The following CAB39 variants were observed in gnomAD, a reference collection of about 807,000 sequenced individuals.
CAB39 encodes calcium binding protein 39.
Under a neutral mutation model 40.0 loss-of-function variants are expected in CAB39, and 8 were observed. That is an observed-to-expected ratio of 0.20 (90% CI 0.12 to 0.36). CAB39 has a LOEUF of 0.36. Among genes scored for constraint, CAB39 ranks in the 10% least tolerant of loss-of-function variants. The pLI, the probability that CAB39 is intolerant of heterozygous loss-of-function variation, is 1.00. For synonymous variants in CAB39, 156 were observed against 141.6 expected (o/e 1.10, Z -0.72); for missense variants, 270 against 401.1 (o/e 0.67, Z 2.79).
chr2:230,818,397 C>T (rs1342838641), intron 8 of CAB39, 119 bp from the exon 9 acceptor site: 9 of 720,176 alleles, frequency 1.2e-5, no homozygotes, highest in Admixed American at 6.1e-5. Flanking sequence ...ACCTAATGAC[C>T]CTGACTTCAG....
intron 1 of CAB39, among the ~76,000 whole-genome samples, chr2:230,742,899 C>T (rs1694907985): frequency 6.6e-6 from 1 of 152,002 alleles, no homozygotes; most frequent in South Asian, 2.1e-4. Context: ...GTAAATTGGC[C>T]TAAGTTTTTG....
intron 1 of CAB39, among the ~76,000 whole-genome samples, chr2:230,726,724 A>G (rs1694579211): frequency 4.6e-5 from 7 of 151,974 alleles, no homozygotes; most frequent in Admixed American, 4.6e-4. Flanking sequence ...GATTGTTGCT[A>G]ACCTATTCAT....
chr2:230,733,401 G>A (rs1296159986), intron 1 of CAB39, among the ~76,000 whole-genome samples: 3 of 152,130 alleles, frequency 2.0e-5, no homozygotes, highest in African/African-American at 7.2e-5. Context: ...ATTCTCAGGT[G>A]TTGCTTCTGG....
At chr2:230,778,486 A>G (rs150585723) in intron 2 of CAB39, among the ~76,000 whole-genome samples, 211 of 152,290 alleles carry the variant, frequency 1.4e-3, no homozygotes, top group African/African-American at 4.8e-3. Flanking sequence ...TAGTGCACTG[A>G]TAGGTACCGT....
chr2:230,726,075 G>C (rs1694564434), intron 1 of CAB39, among the ~76,000 whole-genome samples: 1 of 152,132 alleles, frequency 6.6e-6, no homozygotes, highest in South Asian at 2.1e-4. Context: ...TTCCATATTT[G>C]AGATTATCTG....
intron 1 of CAB39, among the ~76,000 whole-genome samples, chr2:230,722,045 CTTT>C (rs879275195): frequency 7.3e-6 from 1 of 137,214 alleles, no homozygotes; most frequent in Admixed American, 7.3e-5. Flanking sequence ...TTCACCAAGC[CTTT>C]TTTTTTTTTT....
chr2:230,756,657 GTTTGTTTATTTATTTATTTATTTA>G (rs1198292105), intron 1 of CAB39, among the ~76,000 whole-genome samples: 12 of 134,704 alleles, frequency 8.9e-5, no homozygotes, highest in African/African-American at 2.8e-4. Context: ...GTTTCTAACT[GTTTGTTTATTTATTTATTTATTTA>G]TTTATTTATT....
intron 1 of CAB39, among the ~76,000 whole-genome samples, chr2:230,734,781 C>T (rs1254794796): frequency 7.1e-6 from 1 of 140,046 alleles, no homozygotes; most frequent in African/African-American, 3.1e-5. Flanking sequence ...AGCTGGCCCA[C>T]AGGATCCCAG....
chr2:230,749,525 T>C (rs1695048985), intron 1 of CAB39, among the ~76,000 whole-genome samples: 1 of 152,218 alleles, frequency 6.6e-6, no homozygotes, highest in Non-Finnish European at 1.5e-5. Context: ...ATTATTAACC[T>C]TTGCTATTTT....
chr2:230,719,521 C>T (rs1007365109), intron 1 of CAB39, among the ~76,000 whole-genome samples: 5 of 152,138 alleles, frequency 3.3e-5, no homozygotes, highest in East Asian at 3.8e-4. Context: ...TAAATGCTTT[C>T]GTTGTATAGT....
intron 7 of CAB39, among the ~76,000 whole-genome samples, 192 bp from the exon 8 acceptor site, chr2:230,817,544 GACTTCATCTCTCAGGGAA>G (rs1422400842): frequency 3.9e-5 from 6 of 152,114 alleles, no homozygotes; most frequent in African/African-American, 1.4e-4. Context: ...GCCTCCCGTA[GACTTCATCTCTCAGGGAA>G]AGGGAGGAAG....
rs1329577869 is a variant in CAB39, at chr2:230,748,832, ATATAT to A, written c.-43-11126_-43-11122del. Among the ~76,000 whole-genome samples the A allele has an allele frequency of 4.0e-3, 87 of 21,714 alleles. 1 individual carries two copies. Among genetic ancestry groups the A allele is most frequent in the African/African-American group, 9.0e-3 (49 of 5,450 alleles). 14.2% of individuals were successfully genotyped at this position (21,714 alleles called of 152,430 possible). On this transcript the variant is annotated intron_variant, in intron 1 of 8. Coordinates refer to ENST00000258418, the MANE Select transcript of CAB39 (RefSeq NM_016289.4). ...CAAAAAGAAAAAAAAAAAAAAAAAAATATATATATATATATATATATATATATATA... is the reference window on the plus strand; with the variant it reads ...CAAAAAGAAAAAAAAAAAAAAAAAAAATATATATATATATATATATATATA...
At chr2:230,812,917 A>G (rs1020135248) in intron 6 of CAB39, among the ~76,000 whole-genome samples, 4 of 152,194 alleles carry the variant, frequency 2.6e-5, no homozygotes, top group Non-Finnish European at 2.9e-5. Context: ...TGTTCCAGAA[A>G]AACTTTTCAC....
chr2:230,780,265 TG>T (rs1434148575), intron 2 of CAB39, among the ~76,000 whole-genome samples: 1 of 152,206 alleles, frequency 6.6e-6, no homozygotes, highest in African/African-American at 2.4e-5. Context: ...ACTTACAGAA[TG>T]GTTTAGAAGA....
chr2:230,741,115 A>C (rs1300205393), intron 1 of CAB39, among the ~76,000 whole-genome samples: 3 of 152,200 alleles, frequency 2.0e-5, no homozygotes, highest in African/African-American at 4.8e-5. Context: ...AATTCCCCCA[A>C]GGTTTATCTC....
At chr2:230,792,199 A>G (rs1695904096) in intron 3 of CAB39, among the ~76,000 whole-genome samples, 1 of 152,244 alleles carries the variant, frequency 6.6e-6, no homozygotes. Context: ...AATGTATCAA[A>G]TTCCAACAGC....
At chr2:230,744,431 A>G (rs1180980606) in intron 1 of CAB39, among the ~76,000 whole-genome samples, 1 of 152,096 alleles carries the variant, frequency 6.6e-6, no homozygotes, top group Non-Finnish European at 1.5e-5. Flanking sequence ...GTAACTGGGA[A>G]TACAAGCACG....
intron 1 of CAB39, among the ~76,000 whole-genome samples, chr2:230,735,528 G>C (rs1379640354): frequency 6.9e-6 from 1 of 145,154 alleles, no homozygotes; most frequent in Non-Finnish European, 1.5e-5. Context: ...TTGGGGGGAT[G>C]GGGGGGACAG....
intron 2 of CAB39, among the ~76,000 whole-genome samples, chr2:230,763,978 C>T (rs537018136): frequency 1.4e-4 from 22 of 151,804 alleles, no homozygotes; most frequent in Non-Finnish European, 2.9e-4. Context: ...AAAAATTAGC[C>T]GGGTGTGGTG....
Sources: gnomAD v4.1 joint callset for allele counts (sites outside exome capture counted in the v4.1 genomes callset) on GRCh38, gnomAD v4.1.1 for gene constraint, MANE v1.5 for transcripts, NCBI Gene and HGNC (gene_info 2026-07-23, HGNC 2026-07-21) for gene names.